The following SLC39A11 variants were observed in gnomAD, a reference collection of about 807,000 sequenced individuals.
The protein encoded by SLC39A11 is solute carrier family 39 member 11, also known as zinc transporter ZIP11.
In SLC39A11, 33 loss-of-function variants were observed where a neutral mutation model predicts 36.1. The observed-to-expected ratio is 0.91, with a 90% confidence interval of 0.69 to 1.22. SLC39A11 has a LOEUF of 1.22. SLC39A11 is among the 50% of genes most tolerant of loss of function. SLC39A11 has a pLI of 0.00. For missense variants in SLC39A11, 432 were observed against 430.3 expected (o/e 1.00, Z -0.03); for synonymous variants, 166 against 170.3 (o/e 0.97, Z 0.20).
intron 3 of SLC39A11, among the ~76,000 whole-genome samples, chr17:73,041,758 T>A (rs1284305802): frequency 6.6e-6 from 1 of 152,242 alleles, no homozygotes; most frequent in Non-Finnish European, 1.5e-5. Context: ...TGTGGAAGGC[T>A]TGTAAATCAC....
chr17:72,861,351 C>T (rs1265230906), intron 5 of SLC39A11, among the ~76,000 whole-genome samples: 1 of 152,056 alleles, frequency 6.6e-6, no homozygotes, highest in African/African-American at 2.4e-5. Flanking sequence ...GGGACTGCTG[C>T]CCTTCAAGAT....
intron 5 of SLC39A11, among the ~76,000 whole-genome samples, chr17:72,932,969 C>G (rs1327242551): frequency 6.6e-6 from 1 of 152,160 alleles, no homozygotes; most frequent in Non-Finnish European, 1.5e-5. Flanking sequence ...CTACCGAAAA[C>G]CTACAGGTAA....
intron 5 of SLC39A11, among the ~76,000 whole-genome samples, chr17:72,941,860 TTCTATTTA>T (rs1291100272): frequency 8.8e-6 from 1 of 113,618 alleles, no homozygotes; most frequent in East Asian, 2.8e-4. Context: ...GTTTGCTTCA[TTCTATTTA>T]TTTATTTATT....
At chr17:72,782,069 G>A (rs1419646521) in intron 6 of SLC39A11, among the ~76,000 whole-genome samples, 1 of 152,114 alleles carries the variant, frequency 6.6e-6, no homozygotes, top group Non-Finnish European at 1.5e-5. Context: ...TATAATTAAG[G>A]TAAGGATCTT....
At chr17:73,001,876 A>T (rs1208123488) in intron 4 of SLC39A11, among the ~76,000 whole-genome samples, 1 of 152,196 alleles carries the variant, frequency 6.6e-6, no homozygotes, top group Non-Finnish European at 1.5e-5. Flanking sequence ...TCACAGACAG[A>T]ACAGGTATGG....
intron 7 of SLC39A11, among the ~76,000 whole-genome samples, chr17:72,665,389 G>GTGTTTTTTTTTTTTTT (rs2070688139): frequency 1.3e-5 from 1 of 76,636 alleles, no homozygotes; most frequent in Non-Finnish European, 2.4e-5. Context: ...GTTTTGAGGT[G>GTGTTTTTTTTTTTTTT]TTTTTTTTTT....
rs184488903 is a variant in SLC39A11 at position 72,934,517 on chromosome 17, T to C, written c.430+13235A>G. The stretch of plus-strand genomic sequence containing the variant: ...CCCGTCTCTACTAGAAATACAAAAA[T>C]TAGCCAGGCAGGGTGGCGTGTGCCT... On this transcript the variant is annotated intron_variant, in intron 5 of 9. Coordinates refer to ENST00000255559, the MANE Select transcript of SLC39A11 (RefSeq NM_139177.4). Among the ~76,000 whole-genome samples, 344 of 152,150 alleles carry C rather than the reference T, an allele frequency of 2.3e-3. 2 individuals carry two copies. The highest frequency in any genetic ancestry group is 7.9e-3 in the African/African-American group (328 of 41,502).
intron 3 of SLC39A11, among the ~76,000 whole-genome samples, chr17:73,070,199 G>A (rs189687317): frequency 3.3e-5 from 5 of 152,178 alleles, no homozygotes; most frequent in South Asian, 2.1e-4. Flanking sequence ...GGACAGGCCC[G>A]AGTTCCCAGC....
intron 5 of SLC39A11, among the ~76,000 whole-genome samples, chr17:72,917,209 ACTCTCTTCTCCACTT>A (rs1291718701): frequency 2.6e-5 from 4 of 152,050 alleles, no homozygotes; most frequent in African/African-American, 4.8e-5. Context: ...GTTAACACAC[ACTCTCTTCTCCACTT>A]CTCTCTTCTC....
At chr17:72,903,037 T>C (rs2082474180) in intron 5 of SLC39A11, among the ~76,000 whole-genome samples, 1 of 151,922 alleles carries the variant, frequency 6.6e-6, no homozygotes, top group African/African-American at 2.4e-5. Context: ...GAGGCCAAGG[T>C]AAGTGGATCA....
chr17:72,780,522 G>A (rs1276593779), intron 6 of SLC39A11, among the ~76,000 whole-genome samples: 1 of 133,628 alleles, frequency 7.5e-6, no homozygotes, highest in Non-Finnish European at 1.6e-5. Flanking sequence ...CCTGAAGATG[G>A]GGGGCGGGTG....
intron 4 of SLC39A11, among the ~76,000 whole-genome samples, chr17:73,013,498 C>A (rs2090638804): frequency 6.6e-6 from 1 of 152,230 alleles, no homozygotes; most frequent in Non-Finnish European, 1.5e-5. Context: ...GTTGCAAAAG[C>A]AGCTGCAGGG....
At chr17:72,925,820 G>A (rs891792892) in intron 5 of SLC39A11, among the ~76,000 whole-genome samples, 3 of 152,232 alleles carry the variant, frequency 2.0e-5, no homozygotes, top group African/African-American at 7.2e-5. Flanking sequence ...CACAGGGGCT[G>A]CTGTTTCAGC....
At chr17:73,060,554 ACT>A (rs945858356) in intron 3 of SLC39A11, among the ~76,000 whole-genome samples, 11 of 152,022 alleles carry the variant, frequency 7.2e-5, no homozygotes, top group African/African-American at 2.7e-4. Context: ...CCAAAATCAA[ACT>A]CTAAATTTAG....
intron 4 of SLC39A11, among the ~76,000 whole-genome samples, chr17:73,009,255 G>A (rs552151700): frequency 1.2e-3 from 187 of 150,514 alleles, no homozygotes; most frequent in Middle Eastern, 3.4e-3. Flanking sequence ...TGTAGTCCCC[G>A]CTACGGGGGA....
chr17:72,948,378 G>A (rs1208997826), intron 4 of SLC39A11, among the ~76,000 whole-genome samples: 1 of 151,824 alleles, frequency 6.6e-6, no homozygotes, highest in African/African-American at 2.4e-5. Context: ...CGTCATCGCC[G>A]CACGCACACA....
At chr17:72,967,550 G>T (rs1004169329) in intron 4 of SLC39A11, among the ~76,000 whole-genome samples, 3 of 152,066 alleles carry the variant, frequency 2.0e-5, no homozygotes, top group Non-Finnish European at 4.4e-5. Flanking sequence ...GGAGGGTTGG[G>T]CTAACTTAAG....
At chr17:72,972,111 G>A (rs1044716760) in intron 4 of SLC39A11, among the ~76,000 whole-genome samples, 5 of 152,336 alleles carry the variant, frequency 3.3e-5, no homozygotes, top group South Asian at 2.1e-4. Context: ...CGGTCTCAAC[G>A]TTGCTGTAAC....
intron 5 of SLC39A11, among the ~76,000 whole-genome samples, chr17:72,878,378 A>C (rs1253672348): frequency 6.6e-6 from 1 of 152,142 alleles, no homozygotes; most frequent in African/African-American, 2.4e-5. Flanking sequence ...TATTGTCTTC[A>C]TGTATTTTAG....
Sources: gnomAD v4.1 joint callset for allele counts (sites outside exome capture counted in the v4.1 genomes callset) on GRCh38, gnomAD v4.1.1 for gene constraint, MANE v1.5 for transcripts, NCBI Gene and HGNC (gene_info 2026-07-23, HGNC 2026-07-21) for gene names.